AKAP10: variants seen among roughly 807,000 people sequenced by gnomAD.
AKAP10 encodes A-kinase anchoring protein 10.
Under a neutral mutation model 80.8 loss-of-function variants are expected in AKAP10, and 24 were observed. The ratio of observed to expected loss-of-function variants is 0.30; its 90% CI spans 0.22 to 0.42. The LOEUF (loss-of-function observed/expected upper bound fraction) is 0.42. Among genes scored for constraint, AKAP10 ranks in the 10% least tolerant of loss-of-function variants. The pLI is 1.00. For synonymous variants in AKAP10, 291 were observed against 277.7 expected (o/e 1.05, Z -0.48); for missense variants, 661 against 794.9 (o/e 0.83, Z 2.03).
In AKAP10 at chr17:19,963,896, C is replaced by CA. The variant is rs568877131; in HGVS notation, c.137-875dup. 6.5e-3 allele frequency among the ~76,000 whole-genome samples: 834 copies of CA among 128,550 alleles called. 6 individuals carry two copies. The highest frequency in any genetic ancestry group is 0.018 in the African/African-American group (639 of 34,728). 84.3% of individuals were successfully genotyped at this position (128,550 alleles called of 152,430 possible). ...GAGCAACGGGAGTGAAACTCCATCT[C>CA]AAAAAAAAAAACAAAAAAAGATAAA... On this transcript the variant is annotated intron_variant, in intron 2 of 14. Transcript: ENST00000225737.
intron 2 of AKAP10, among the ~76,000 whole-genome samples, chr17:19,967,418 G>C (rs1042796281): frequency 6.6e-6 from 1 of 152,220 alleles, no homozygotes; most frequent in East Asian, 1.9e-4. Flanking sequence ...AAGTGTCAGT[G>C]CTTTCCTACA....
At chr17:19,936,165 T>G in intron 9 of AKAP10, 121 bp downstream of exon 9, 1 of 1,180,330 alleles carries the variant, frequency 8.5e-7, no homozygotes. Context: ...CTGCTCTTAA[T>G]CACTTTGCTG....
In AKAP10 at chr17:19,909,186, T is replaced by C. The variant is rs764504564; in HGVS notation, c.1978A>G (p.Thr660Ala). The C allele has an allele frequency of 5.6e-6, 9 of 1,608,494 alleles. No homozygotes were observed. In the East Asian group the frequency reaches 8.9e-5, roughly 16 times the overall value. The change falls in exon 14 of 15, where the codon ACA becomes GCA. Residue 660 changes from threonine to alanine, a missense_variant. Thr to Ala is a moderately conservative substitution (Grantham distance 58). Coordinates refer to ENST00000225737, the MANE Select transcript of AKAP10 (RefSeq NM_007202.4). The part of the protein sequence containing the change: ...AQYDQPLEKS[T>A]KL Reference sequence around the variant, plus strand: ...CAAAACGAAGTCATCCTTACCTTTGTAGATTTCTCTAACGGTTGATCATAC... The same window carrying C: ...CAAAACGAAGTCATCCTTACCTTTGCAGATTTCTCTAACGGTTGATCATAC...
At chr17:19,946,193 A>AAT (rs1454974464) in intron 5 of AKAP10, among the ~76,000 whole-genome samples, 7 of 85,534 alleles carry the variant, frequency 8.2e-5, no homozygotes, top group Admixed American at 4.5e-4. Flanking sequence ...CATATATACT[A>AAT]ATACATATAT....
At chr17:19,920,001 A>G in intron 12 of AKAP10, 35 bp downstream of exon 12, 1 of 1,550,582 alleles carries the variant, frequency 6.4e-7, no homozygotes, top group African/African-American at 1.4e-5. Flanking sequence ...TAATGTGAGT[A>G]AAGGCTTAAT....
At chr17:19,956,770 C>T (rs572277182) in intron 4 of AKAP10, among the ~76,000 whole-genome samples, 1 of 151,966 alleles carries the variant, frequency 6.6e-6, no homozygotes, top group Admixed American at 6.6e-5. Context: ...TTTGGGAGGC[C>T]GAGGCAGGTG....
Position 19,958,124 on chromosome 17 carries a change from C to G in AKAP10, c.767G>C (p.Gly256Ala), listed in dbSNP as rs1247737573. 1.9e-6 allele frequency: 3 copies of G among 1,614,000 alleles called. No individual in the cohort carries two copies. The African/African-American group carries it at 4.0e-5, about 22-fold the overall frequency. ...GGTTTCCATGGAAACTTGGTGAGTT[C>G]CTGCTCTGGCCATTTCAAGACGGAG... ...HSLRLEMARA[G>A]THQVSMETQE... Residue 256 changes from glycine to alanine, a missense_variant, in exon 4 of 15, where the codon GGA becomes GCA. Transcript: ENST00000225737.
At chr17:19,931,145 A>AG (rs1357578349) in intron 10 of AKAP10, among the ~76,000 whole-genome samples, 60 of 152,312 alleles carry the variant, frequency 3.9e-4, no homozygotes, top group African/African-American at 1.4e-3. Context: ...AGAAAAGAAA[A>AG]AAAAAGGAGA....
intron 9 of AKAP10, among the ~76,000 whole-genome samples, chr17:19,934,559 T>C (rs2042972711): frequency 6.6e-6 from 1 of 152,174 alleles, no homozygotes. Flanking sequence ...GTAATAATAA[T>C]AGTAATAAAA....
chr17:19,977,784 G>C lies in AKAP10; in HGVS notation c.-105C>G, dbSNP rs972552233. On this transcript the variant is annotated 5_prime_UTR_variant, in exon 1 of 15. Coordinates refer to ENST00000225737, the MANE Select transcript of AKAP10 (RefSeq NM_007202.4). Reference sequence around the variant, plus strand: ...CCCACCGCCTCCTCGGGATGCCCAGGCAGCTCCAGCCGCCATATTATCAAC... The same window carrying C: ...CCCACCGCCTCCTCGGGATGCCCAGCCAGCTCCAGCCGCCATATTATCAAC... 1 of 630,076 alleles carries C rather than the reference G, an allele frequency of 1.6e-6. No homozygotes were observed. Among genetic ancestry groups the C allele is most frequent in the Non-Finnish European group, 2.3e-6 (1 of 437,024 alleles). 39.0% of individuals were successfully genotyped at this position (630,076 alleles called of 1,614,324 possible).
chr17:19,952,290 T>C (rs188642135), intron 4 of AKAP10, among the ~76,000 whole-genome samples: 1 of 150,730 alleles, frequency 6.6e-6, no homozygotes, highest in Non-Finnish European at 1.5e-5. Flanking sequence ...ATGGTGAAAA[T>C]CCGTTTCTAC....
At chr17:19,938,923 G>A (rs905080908) in intron 8 of AKAP10, among the ~76,000 whole-genome samples, 4 of 151,994 alleles carry the variant, frequency 2.6e-5, no homozygotes, top group African/African-American at 9.7e-5. Flanking sequence ...AGTAAAGGCG[G>A]GTTTTGCCAT....
At chr17:19,950,289 A>T (rs576231821) in intron 4 of AKAP10, among the ~76,000 whole-genome samples, 1 of 152,198 alleles carries the variant, frequency 6.6e-6, no homozygotes, top group Non-Finnish European at 1.5e-5. Context: ...AAAAGAAAGC[A>T]AAAAAGGGGC....
At chr17:19,945,397 C>T (rs1259635609) in intron 5 of AKAP10, among the ~76,000 whole-genome samples, 5 of 152,176 alleles carry the variant, frequency 3.3e-5, no homozygotes, top group African/African-American at 9.6e-5. Context: ...CAGAACATCC[C>T]TGTTGTATTA....
At chr17:19,908,671 C>T (rs1324724461) in intron 14 of AKAP10, among the ~76,000 whole-genome samples, 6 of 151,946 alleles carry the variant, frequency 3.9e-5, no homozygotes, top group Admixed American at 1.3e-4. Context: ...AATGGGGTTT[C>T]GCTCGTCGCC....
intron 5 of AKAP10, among the ~76,000 whole-genome samples, chr17:19,946,867 A>G (rs1250604254): frequency 6.6e-6 from 1 of 152,140 alleles, no homozygotes; most frequent in Non-Finnish European, 1.5e-5. Context: ...ATGCAGGTAG[A>G]CATCCAGGGT....
rs1293472774 is a variant in AKAP10 at position 19,918,734 on chromosome 17, A to T, written c.1834+1302T>A. ...TCAACCAAACTAAAAACTTCTAGAT[A>T]CCATCTGTCACGGATCCACATTTGT... On this transcript the variant is annotated intron_variant, in intron 12 of 14. Transcript: ENST00000225737. Among the ~76,000 whole-genome samples, 4 of 152,334 alleles carry T rather than the reference A, an allele frequency of 2.6e-5. No homozygotes were observed. In the East Asian group the frequency reaches 7.7e-4, roughly 29 times the overall value.
At chr17:19,942,800 A>C (rs2043063358) in intron 5 of AKAP10, among the ~76,000 whole-genome samples, 1 of 152,166 alleles carries the variant, frequency 6.6e-6, no homozygotes, top group South Asian at 2.1e-4. Flanking sequence ...CATGAAACCA[A>C]GGGATCATAC....
At chr17:19,977,306 C>A (rs893801567) in intron 1 of AKAP10, among the ~76,000 whole-genome samples, 1 of 152,176 alleles carries the variant, frequency 6.6e-6, no homozygotes, top group African/African-American at 2.4e-5. Context: ...AAAAACTAAC[C>A]CCCACCTAAG....
Sources: allele counts gnomAD v4.1 joint callset (sites outside exome capture counted in the v4.1 genomes callset), GRCh38; gene constraint gnomAD v4.1.1; transcripts MANE v1.5; gene names NCBI Gene and HGNC (gene_info 2026-07-23, HGNC 2026-07-21).